Variants in CRADD observed in about 807,000 individuals in gnomAD.
CRADD encodes the protein death domain-containing protein CRADD.
In CRADD, 9 loss-of-function variants were observed where a neutral mutation model predicts 15.5. That is an observed-to-expected ratio of 0.58 (90% confidence interval 0.35 to 1.01). The LOEUF is 1.01. CRADD is among the 50% of genes least tolerant of loss of function. The pLI is 0.02. For synonymous variants in CRADD, 118 were observed against 107.6 expected (o/e 1.10, Z -0.60); for missense variants, 227 against 250.3 (o/e 0.91, Z 0.63).
At chr12:93,746,967 T>C (rs1165540808) in intron 2 of CRADD, among the ~76,000 whole-genome samples, 2 of 151,950 alleles carry the variant, frequency 1.3e-5, no homozygotes, top group African/African-American at 4.8e-5. Context: ...TCAGGTCAGG[T>C]TTGTCACCAA....
At chr12:93,746,232 G>A (rs1005106448) in intron 2 of CRADD, among the ~76,000 whole-genome samples, 1 of 152,164 alleles carries the variant, frequency 6.6e-6, no homozygotes, top group African/African-American at 2.4e-5. Flanking sequence ...TTTGAAGTGG[G>A]GGCATTTGAT....
At chr12:93,775,374 G>A (rs566400171) in intron 2 of CRADD, among the ~76,000 whole-genome samples, 8 of 152,200 alleles carry the variant, frequency 5.3e-5, no homozygotes, top group Non-Finnish European at 1.2e-4. Context: ...ACACACACCC[G>A]TGTAGAGGAT....
At chr12:93,790,111 G>A (rs1330924366) in intron 2 of CRADD, among the ~76,000 whole-genome samples, 1 of 152,140 alleles carries the variant, frequency 6.6e-6, no homozygotes, top group African/African-American at 2.4e-5. Flanking sequence ...TTAAGTTCTG[G>A]CCACAGGTCC....
chr12:93,894,092 C>T (rs1348918862), exon 3 of CRADD: 1 of 702,548 alleles, frequency 1.4e-6, no homozygotes, highest in Admixed American at 2.0e-5. Context: ...ACTTGCCTGG[C>T]TTCACAGCTC....
chr12:93,854,535 G>C (rs371586755), downstream of CRADD, among the ~76,000 whole-genome samples: 3 of 152,198 alleles, frequency 2.0e-5, no homozygotes, highest in African/African-American at 7.2e-5. Flanking sequence ...AGAGAGGAGC[G>C]GAATAATTTG....
intron 2 of CRADD, among the ~76,000 whole-genome samples, chr12:93,835,714 A>T (rs1029468170): frequency 1.3e-5 from 2 of 152,050 alleles, no homozygotes; most frequent in African/African-American, 4.8e-5. Context: ...CTCACTTATT[A>T]GTTTATTCCT....
intron 2 of CRADD, among the ~76,000 whole-genome samples, chr12:93,726,094 G>GTTTTTTTTTTTTTTTTTTTTTTTTTTT (rs1165429350): frequency 4.2e-5 from 4 of 96,010 alleles, no homozygotes; most frequent in Non-Finnish European, 4.1e-5. Flanking sequence ...AAATAGTTTA[G>GTTTTTTTTTTTTTTTTTTTTTTTTTTT]TTTTTTTTTT....
intron 2 of CRADD, among the ~76,000 whole-genome samples, chr12:93,874,640 A>G (rs944447507): frequency 6.6e-6 from 1 of 151,842 alleles, no homozygotes; most frequent in African/African-American, 2.4e-5. Context: ...CTTTCAAGAA[A>G]TTTTTTTAAC....
chr12:93,790,643 A>T (rs1400653507), intron 2 of CRADD: 1 of 152,038 alleles, frequency 6.6e-6, no homozygotes, highest in Non-Finnish European at 1.5e-5. Flanking sequence ...TTTCGTAGCG[A>T]GTCAGAGAAT....
At chr12:93,709,539 T>C (rs1956023132) in intron 2 of CRADD, among the ~76,000 whole-genome samples, 1 of 152,252 alleles carries the variant, frequency 6.6e-6, no homozygotes, top group Admixed American at 6.5e-5. Flanking sequence ...TGAGTTAGTC[T>C]GCTAAGGGTA....
chr12:93,875,670 C>T (rs1958453418), intron 2 of CRADD, among the ~76,000 whole-genome samples: 1 of 151,288 alleles, frequency 6.6e-6, no homozygotes, highest in East Asian at 1.9e-4. Flanking sequence ...AACAAACAAA[C>T]AATCAAAGAG....
chr12:93,811,609 T>C (rs963195214), intron 2 of CRADD, among the ~76,000 whole-genome samples: 3 of 152,250 alleles, frequency 2.0e-5, no homozygotes, highest in Non-Finnish European at 4.4e-5. Flanking sequence ...ATTTAATCTC[T>C]TGAAATCTCA....
chr12:93,738,588 T>G (rs1326323111), intron 2 of CRADD: 1 of 644,374 alleles, frequency 1.6e-6, no homozygotes, highest in Non-Finnish European at 2.8e-6. Context: ...CGCCACCCCC[T>G]GCACCACACG....
intron 2 of CRADD, chr12:93,815,423 C>A: frequency 6.6e-6 from 1 of 152,296 alleles, no homozygotes. Context: ...TCTGAGCCTC[C>A]CTTGTCCTTT....
intron 2 of CRADD, among the ~76,000 whole-genome samples, chr12:93,826,055 G>A (rs749631381): frequency 2.6e-5 from 4 of 152,170 alleles, no homozygotes; most frequent in Non-Finnish European, 5.9e-5. Context: ...CTGAAAGCCC[G>A]GAACTTATTA....
At chr12:93,734,718 A>G (rs1235349387) in intron 2 of CRADD, among the ~76,000 whole-genome samples, 2 of 152,070 alleles carry the variant, frequency 1.3e-5, no homozygotes, top group African/African-American at 4.8e-5. Flanking sequence ...TCTTCTGCAA[A>G]TGCTAGCCTT....
chr12:93,818,556 AG>A (rs1341114932), intron 2 of CRADD, among the ~76,000 whole-genome samples: 1 of 152,020 alleles, frequency 6.6e-6, no homozygotes, highest in Non-Finnish European at 1.5e-5. Flanking sequence ...GGAGGTGGGG[AG>A]GAACAAAAAC....
At chr12:93,753,925 G>A (rs1956859430) in intron 2 of CRADD, among the ~76,000 whole-genome samples, 1 of 152,240 alleles carries the variant, frequency 6.6e-6, no homozygotes, top group Non-Finnish European at 1.5e-5. Context: ...ACTAGGAAGT[G>A]CCCCAGTGGG....
intron 2 of CRADD, among the ~76,000 whole-genome samples, chr12:93,712,385 C>A (rs923040209): frequency 1.5e-4 from 23 of 152,168 alleles, no homozygotes; most frequent in African/African-American, 5.3e-4. Flanking sequence ...ATTTACATAT[C>A]TTTTTTACAG....
Sources: allele counts gnomAD v4.1 joint callset (sites outside exome capture counted in the v4.1 genomes callset), GRCh38; gene constraint gnomAD v4.1.1; transcripts MANE v1.5; gene names NCBI Gene and HGNC (gene_info 2026-07-23, HGNC 2026-07-21).